The following MYT1L variants were observed in gnomAD, a reference collection of about 807,000 sequenced individuals.
MYT1L encodes myelin transcription factor 1-like protein.
A neutral mutation model predicts 126.7 loss-of-function variants in MYT1L; 12 were observed. That is an observed-to-expected ratio of 0.09 (90% CI 0.06 to 0.15). The LOEUF is 0.15. MYT1L is among the 10% of genes least tolerant of loss of function. The pLI is 1.00. For missense variants in MYT1L, 979 were observed against 1,585.2 expected, an observed-to-expected ratio of 0.62 and a Z score of 6.49; for synonymous variants, 541 against 604.2, an observed-to-expected ratio of 0.90 and a Z score of 1.53.
At chr2:1,867,977 C>CTT (rs137899286) in intron 18 of MYT1L, among the ~76,000 whole-genome samples, 8 of 149,388 alleles carry the variant, frequency 5.4e-5, no homozygotes, top group East Asian at 2.0e-4. Context: ...GCTTTTCTTT[C>CTT]TTTTTTTTTT....
intron 3 of MYT1L, among the ~76,000 whole-genome samples, chr2:2,144,960 G>A (rs1310823269): frequency 6.6e-6 from 1 of 152,156 alleles, no homozygotes; most frequent in Non-Finnish European, 1.5e-5. Context: ...AAAATGGGCT[G>A]AATATAAAAT....
intron 3 of MYT1L, among the ~76,000 whole-genome samples, chr2:2,147,874 T>A (rs1381413493): frequency 6.6e-6 from 1 of 152,244 alleles, no homozygotes; most frequent in African/African-American, 2.4e-5. Context: ...CCGTGTCTCC[T>A]GGTTACCAGG....
At position 2,306,952 on chromosome 2, in the gene MYT1L, T is replaced by C. The variant is rs539747911; in HGVS notation, c.-520-22449A>G. On this transcript the variant is annotated intron_variant, in intron 1 of 24. Transcript: ENST00000647738. ...TTGCTAAAGTTCAAAAGAAAAGGGC[T>C]AGAATTCATCTGGAAGGAACAGAGA... 3.3e-5 allele frequency among the ~76,000 whole-genome samples: 5 copies of C among 152,322 alleles called. No homozygotes were observed. The South Asian group carries it at 1.0e-3, about 32-fold the overall frequency.
intron 21 of MYT1L, among the ~76,000 whole-genome samples, chr2:1,819,256 C>T (rs185605512): frequency 1.6e-4 from 24 of 152,316 alleles, no homozygotes; most frequent in East Asian, 1.9e-4. Flanking sequence ...GGTCATCAAA[C>T]GTCCTATCTC....
intron 19 of MYT1L, 57 bp from the exon 20 acceptor site, chr2:1,840,900 C>CTTTTTTTTTTTT (rs1197637882): frequency 2.6e-6 from 2 of 759,582 alleles, no homozygotes. Context: ...AGTGAGCTTT[C>CTTTTTTTTTTTT]TTTCTTTTTT....
intron 2 of MYT1L, among the ~76,000 whole-genome samples, chr2:2,178,977 C>T (rs554743455): frequency 6.6e-6 from 1 of 152,274 alleles, no homozygotes; most frequent in African/African-American, 2.4e-5. Flanking sequence ...GAAGACGTTT[C>T]CATGGGGCTT....
chr2:2,257,107 C>T (rs966020858), intron 2 of MYT1L, among the ~76,000 whole-genome samples: 16 of 152,264 alleles, frequency 1.1e-4, no homozygotes, highest in African/African-American at 2.9e-4. Flanking sequence ...GGGTCCAGAA[C>T]GTCCTTGTCT....
intron 21 of MYT1L, among the ~76,000 whole-genome samples, chr2:1,810,453 A>G (rs1458994701): frequency 1.3e-5 from 2 of 152,196 alleles, no homozygotes; most frequent in Admixed American, 1.3e-4. Context: ...AATGTTTTAT[A>G]TATGTATATG....
intron 1 of MYT1L, among the ~76,000 whole-genome samples, chr2:2,329,325 A>G (rs1444102481): frequency 6.6e-6 from 1 of 152,048 alleles, no homozygotes; most frequent in African/African-American, 2.4e-5. Flanking sequence ...GGGAGGAGAG[A>G]AAAATCAACT....
chr2:1,951,819 A>G (rs1428110254), intron 8 of MYT1L, among the ~76,000 whole-genome samples: 3 of 152,184 alleles, frequency 2.0e-5, no homozygotes, highest in African/African-American at 4.8e-5. Context: ...ATGTCTTAAG[A>G]ACAGTTGATA....
At chr2:2,295,713 CAG>C (rs1229343280) in intron 1 of MYT1L, among the ~76,000 whole-genome samples, 1 of 25,484 alleles carries the variant, frequency 3.9e-5, no homozygotes, top group African/African-American at 1.4e-4. Context: ...GACAGACAGA[CAG>C]AGAGAGAGAT....
At chr2:2,190,480 C>T (rs781747346) in intron 2 of MYT1L, among the ~76,000 whole-genome samples, 8 of 148,498 alleles carry the variant, frequency 5.4e-5, no homozygotes, top group Non-Finnish European at 1.0e-4. Context: ...AGCCTTTAGA[C>T]TTCCTGGGGA....
intron 3 of MYT1L, among the ~76,000 whole-genome samples, chr2:2,158,935 T>C (rs374539384): frequency 4.6e-5 from 7 of 152,354 alleles, no homozygotes; most frequent in African/African-American, 9.6e-5. Flanking sequence ...TTTGCACGCT[T>C]ACCTATAGGG....
At chr2:2,195,899 A>G (rs1242479216) in intron 2 of MYT1L, among the ~76,000 whole-genome samples, 1 of 152,126 alleles carries the variant, frequency 6.6e-6, no homozygotes, top group Non-Finnish European at 1.5e-5. Flanking sequence ...AATATAAGAT[A>G]TATATAAGAC....
intron 2 of MYT1L, among the ~76,000 whole-genome samples, chr2:2,252,908 C>T (rs2094692948): frequency 6.6e-6 from 1 of 152,166 alleles, no homozygotes; most frequent in Non-Finnish European, 1.5e-5. Context: ...TCCTTCAGGA[C>T]ACCTTTTTAG....
At chr2:2,222,934 A>T (rs2148996797) in intron 2 of MYT1L, among the ~76,000 whole-genome samples, 1 of 152,320 alleles carries the variant, frequency 6.6e-6, no homozygotes, top group South Asian at 2.1e-4. Context: ...GAAACCCAAA[A>T]CTTAGAATAA....
intron 4 of MYT1L, among the ~76,000 whole-genome samples, chr2:2,041,028 G>A (rs2067470115): frequency 6.6e-6 from 1 of 152,122 alleles, no homozygotes; most frequent in Non-Finnish European, 1.5e-5. Flanking sequence ...TGCCTTTTCT[G>A]GAAAGATACA....
intron 11 of MYT1L, among the ~76,000 whole-genome samples, chr2:1,913,223 T>C (rs2052316877): frequency 6.6e-6 from 1 of 152,236 alleles, no homozygotes. Context: ...GTCCACACCC[T>C]GTCTTCTTAC....
In MYT1L at chr2:1,886,621, C is replaced by A; in HGVS notation, c.2643-14G>T. On this transcript the variant is annotated splice_polypyrimidine_tract_variant and intron_variant, in intron 17 of 24. Transcript: ENST00000647738. ...CAGCCAGACAGACTGTAAGACAGGC[C>A]GGGACAGGCAGGTCAGTCAACTGCG... is the stretch of plus-strand genomic sequence containing the variant. 1 of 1,539,224 alleles carries A rather than the reference C, an allele frequency of 6.5e-7. No individual in the cohort carries two copies. Among genetic ancestry groups the A allele is most frequent in the Non-Finnish European group, 8.7e-7 (1 of 1,143,048 alleles).
Sources: gnomAD v4.1 joint callset for allele counts (sites outside exome capture counted in the v4.1 genomes callset) on GRCh38, gnomAD v4.1.1 for gene constraint, MANE v1.5 for transcripts, NCBI Gene and HGNC (gene_info 2026-07-23, HGNC 2026-07-21) for gene names.